PCNX2: variants seen among roughly 807,000 people sequenced by gnomAD.
PCNX2 encodes pecanex-like protein 2.
A neutral mutation model predicts 223.8 loss-of-function variants in PCNX2; 168 were observed. That is an observed-to-expected ratio of 0.75 (90% CI 0.66 to 0.85). PCNX2 has a LOEUF of 0.85. PCNX2 is among the 40% of genes least tolerant of loss of function. The pLI is 0.00. For missense variants in PCNX2, 2,507 were observed against 2,675.5 expected (o/e 0.94, Z 1.39); for synonymous variants, 1,006 against 1,052.6 (o/e 0.96, Z 0.86).
At chr1:233,036,455 C>A (rs1671458044) in intron 25 of PCNX2, among the ~76,000 whole-genome samples, 1 of 152,000 alleles carries the variant, frequency 6.6e-6, no homozygotes, top group African/African-American at 2.4e-5. Context: ...CATAGTGAAA[C>A]CCCATCTCTA....
In PCNX2 at chr1:233,198,995, C is replaced by T. The variant is rs770371791; in HGVS notation, c.3010G>A (p.Ala1004Thr). The change falls in exon 15 of 34, where the codon GCC (alanine) becomes ACC (threonine). Residue 1004 changes from alanine to threonine, a missense_variant. Physicochemically the swap from Ala to Thr is moderately conservative, Grantham distance 58. Coordinates refer to ENST00000258229, the MANE Select transcript of PCNX2 (RefSeq NM_014801.4). ...SGITSAVYSVARSVLAAALLH... is the reference protein window; with the variant it reads ...SGITSAVYSVTRSVLAAALLH... ...AGGGCGGCAGCCAAGACGCTCCGGGCCACACTGTAAACAGCCGAGGTTATC... is the reference window on the plus strand; with the variant it reads ...AGGGCGGCAGCCAAGACGCTCCGGGTCACACTGTAAACAGCCGAGGTTATC... 10 of 1,604,972 alleles carry T rather than the reference C, an allele frequency of 6.2e-6. No individual in the cohort carries two copies. In the East Asian group the frequency reaches 2.2e-4, roughly 36 times the overall value.
At chr1:233,169,644 C>CAAGAAAAAAAAAA (rs1679030796) in intron 17 of PCNX2, among the ~76,000 whole-genome samples, 1 of 68,886 alleles carries the variant, frequency 1.5e-5, no homozygotes, top group Non-Finnish European at 2.9e-5. Context: ...AACTCCGTCT[C>CAAGAAAAAAAAAA]AAAAAAAAAA....
chr1:233,197,684 A>G (rs905983867), intron 15 of PCNX2, among the ~76,000 whole-genome samples: 1 of 152,188 alleles, frequency 6.6e-6, no homozygotes, highest in African/African-American at 2.4e-5. Flanking sequence ...GGAGTAATCA[A>G]TAATTACTCC....
At chr1:233,058,077 G>GT in intron 23 of PCNX2, 1 of 983,966 alleles carries the variant, frequency 1.0e-6, no homozygotes, top group Non-Finnish European at 1.2e-6. Flanking sequence ...TGCAGCCATG[G>GT]TAACAAGTGG....
In PCNX2 at chr1:233,258,241, A is replaced by C; in HGVS notation, c.1621T>G (p.Leu541Val). The C allele has an allele frequency of 1.9e-6, 3 of 1,614,016 alleles. No homozygotes were observed. The highest frequency in any genetic ancestry group is 2.5e-6 in the Non-Finnish European group (3 of 1,179,898). Reference protein sequence around the residue: ...LSVDSGTDVFLSKSSAEIVND... With the variant: ...LSVDSGTDVFVSKSSAEIVND... ...ACAATTTCTGCAGAACTTTTACTCA[A>C]GAAGACATCTGTCCCACTGTCCACA... The change falls in exon 5 of 34, where the codon TTG (leucine) becomes GTG (valine). Residue 541 changes from leucine (L) to valine (V), a missense_variant. Leu to Val is a conservative substitution (Grantham distance 32). Coordinates refer to ENST00000258229, the MANE Select transcript of PCNX2 (RefSeq NM_014801.4).
the PCNX2 span, among the ~76,000 whole-genome samples, chr1:233,307,771 C>A: frequency 6.6e-6 from 1 of 152,134 alleles, no homozygotes; most frequent in Non-Finnish European, 1.5e-5. Context: ...AGAAAACAAG[C>A]ACAGAGAGGT....
intron 12 of PCNX2, among the ~76,000 whole-genome samples, chr1:233,213,318 T>C (rs1017710490): frequency 6.6e-6 from 1 of 152,172 alleles, no homozygotes; most frequent in Non-Finnish European, 1.5e-5. Context: ...ACGGCTATTA[T>C]AATGTAATTT....
At chr1:233,212,092 T>TCGAAA (rs1681855271) in intron 12 of PCNX2, among the ~76,000 whole-genome samples, 5 of 152,222 alleles carry the variant, frequency 3.3e-5, no homozygotes, top group Non-Finnish European at 7.3e-5. Context: ...TGTTGATGAT[T>TCGAAA]TCGTTTTTAC....
At chr1:233,016,723 T>A in intron 27 of PCNX2, 198 bp downstream of exon 27, 1 of 948,826 alleles carries the variant, frequency 1.1e-6, no homozygotes, top group Non-Finnish European at 1.3e-6. Context: ...TCTTTAAGTG[T>A]CCTTCATTGG....
intron 21 of PCNX2, among the ~76,000 whole-genome samples, chr1:233,131,582 C>G (rs1449512891): frequency 6.6e-6 from 1 of 152,170 alleles, no homozygotes; most frequent in African/African-American, 2.4e-5. Context: ...AGAATAAGAT[C>G]TTGCTTCTCA....
chr1:233,279,651 C>G (rs1661089324), intron 1 of PCNX2, among the ~76,000 whole-genome samples: 1 of 151,972 alleles, frequency 6.6e-6, no homozygotes, highest in South Asian at 2.1e-4. Flanking sequence ...TGTTTGTTTT[C>G]TTTTATTGCT....
chr1:233,254,872 C>T (rs537541288), intron 5 of PCNX2, among the ~76,000 whole-genome samples: 51 of 152,128 alleles, frequency 3.4e-4, no homozygotes, highest in Middle Eastern at 6.8e-3. Flanking sequence ...TAGACCCTGA[C>T]TATAAATTTA....
At chr1:233,154,786 T>G (rs1297152067) in intron 19 of PCNX2, among the ~76,000 whole-genome samples, 1 of 152,132 alleles carries the variant, frequency 6.6e-6, no homozygotes, top group Non-Finnish European at 1.5e-5. Flanking sequence ...GAAAGAGTCT[T>G]GGCCAGGCAC....
intron 9 of PCNX2, among the ~76,000 whole-genome samples, chr1:233,235,245 A>G (rs1254813851): frequency 6.6e-6 from 1 of 152,160 alleles, no homozygotes; most frequent in Admixed American, 6.5e-5. Flanking sequence ...ACTTGTTCAC[A>G]CACAAACTCC....
In PCNX2 at chr1:233,025,175, GGA is replaced by G; in HGVS notation, c.4574_4575del (p.Leu1525ProfsTer29). ...NAATMLQVFDLRRILIRYYIK... is the reference protein window; with the variant it reads ...NAATMLQVFDXRRILIRYYIK... ...ATGTAGTAGCGGATGAGGATCCTTC[GGA>G]GGTCAAACACCTGCAGCATGGTGGC... On this transcript the variant is annotated frameshift_variant, in exon 26 of 34. Transcript: ENST00000258229. LOFTEE classifies it high-confidence loss of function. 1 of 1,613,942 alleles carries G rather than the reference GGA, an allele frequency of 6.2e-7. No individual in the cohort carries two copies. The highest frequency in any genetic ancestry group is 8.5e-7 in the Non-Finnish European group (1 of 1,179,870).
rs746810099 is a variant in PCNX2, at chr1:233,237,029, T to C, written c.2223-49A>G. 2.2e-5 allele frequency: 35 copies of C among 1,608,576 alleles called. No individual in the cohort carries two copies. The South Asian group carries it at 3.6e-4, about 17-fold the overall frequency. ...TTTGGTTACCTGGTAATACCAGAAG[T>C]CATCTATTTATTATACACAAACACA... On this transcript the variant is annotated intron_variant, in intron 8 of 33. Transcript: ENST00000258229.
In PCNX2 at chr1:233,253,640, C is replaced by T. The variant is rs1659578050; in HGVS notation, c.1835-852G>A. Among the ~76,000 whole-genome samples, 1 of 152,218 alleles carries T rather than the reference C, an allele frequency of 6.6e-6. No individual in the cohort carries two copies. ...GGATTACAGGCATGAGCCACCACAC[C>T]CGGCCTGCTGATTTTGAACAATATG... On this transcript the variant is annotated intron_variant, in intron 5 of 33. Transcript: ENST00000258229. This position sits in a 1 kb window ranked among gnomAD's most constrained non-coding sequence, Gnocchi z 4.2.
intron 23 of PCNX2, chr1:233,089,779 A>G (rs1042926326): frequency 1.1e-6 from 1 of 874,284 alleles, no homozygotes; most frequent in Non-Finnish European, 1.5e-6. Flanking sequence ...CCCCTAGGTC[A>G]CCTACGAAAA....
intron 21 of PCNX2, among the ~76,000 whole-genome samples, chr1:233,113,762 T>C (rs568657956): frequency 2.6e-5 from 4 of 152,204 alleles, no homozygotes; most frequent in African/African-American, 9.7e-5. Flanking sequence ...AGAGTGCAAA[T>C]GTATCCCTGA....
Sources: gnomAD v4.1 joint callset for allele counts (sites outside exome capture counted in the v4.1 genomes callset) on GRCh38, gnomAD v4.1.1 for gene constraint, Gnocchi (gnomAD v3.1) non-coding constraint, MANE v1.5 for transcripts, NCBI Gene and HGNC (gene_info 2026-07-23, HGNC 2026-07-21) for gene names.